The following RASSF1 variants were observed in gnomAD, a reference collection of about 807,000 sequenced individuals.
The protein encoded by RASSF1 is ras association domain-containing protein 1.
Under a neutral mutation model 34.3 loss-of-function variants are expected in RASSF1, and 33 were observed. That is an observed-to-expected ratio of 0.96 (90% CI 0.73 to 1.29). The LOEUF (loss-of-function observed/expected upper bound fraction) is 1.29, where lower values mean the gene tolerates loss of function less well. RASSF1 is among the 50% of genes most tolerant of loss of function. The pLI is 0.00. For missense variants in RASSF1, 445 were observed against 471.8 expected, an observed-to-expected ratio of 0.94 and a Z score of 0.53; for synonymous variants, 191 against 195.0, an observed-to-expected ratio of 0.98 and a Z score of 0.17.
rs1702893423 is a variant in RASSF1 at position 50,330,502 on chromosome 3, C to T, written c.*79G>A. 3.9e-6 allele frequency: 6 copies of T among 1,548,380 alleles called. No homozygotes were observed. The highest frequency in any genetic ancestry group is 5.3e-6 in the Non-Finnish European group (6 of 1,130,714). ...CCTCCATGCACACTCATTCCACAGG[C>T]CCCACTGGCCCTGTCACACTCACAC... On this transcript the variant is annotated 3_prime_UTR_variant, in exon 6 of 6. Coordinates refer to ENST00000359365, the MANE Select transcript of RASSF1 (RefSeq NM_007182.5). This position sits in a 1 kb window ranked among gnomAD's most constrained non-coding sequence, Gnocchi z 4.5.
At chr3:50,334,192 C>T (rs988090200) in intron 2 of RASSF1, among the ~76,000 whole-genome samples, 3 of 152,108 alleles carry the variant, frequency 2.0e-5, no homozygotes, top group Non-Finnish European at 2.9e-5. Context: ...ACCCAGAACC[C>T]GCTGCTATTC....
intron 2 of RASSF1, chr3:50,337,414 G>A: frequency 1.3e-6 from 2 of 1,582,732 alleles, no homozygotes; most frequent in Non-Finnish European, 1.7e-6. Flanking sequence ...GTGTGCGCGT[G>A]CGCCCGGGCC....
intron 2 of RASSF1, chr3:50,337,524 GC>G (rs1423914514): frequency 2.6e-6 from 4 of 1,518,038 alleles, no homozygotes; most frequent in Non-Finnish European, 3.5e-6. Context: ...CGCACGCTTC[GC>G]CCCCAGGAAT....
intron 5 of RASSF1, 113 bp downstream of exon 5, chr3:50,331,220 GA>G (rs2109336016): frequency 8.4e-6 from 7 of 832,770 alleles, no homozygotes; most frequent in Non-Finnish European, 1.3e-5. Context: ...TACACTCCTG[GA>G]ACTGTTTTGC....
chr3:50,338,163 C>CT lies in RASSF1; in HGVS notation c.251-153dup, dbSNP rs972101162. On this transcript the variant is annotated intron_variant, in intron 1 of 5. Transcript: ENST00000359365. The stretch of plus-strand genomic sequence containing the variant: ...GTTACCTCACACTGCTACGCGGACT[C>CT]TAATGTTGGCCACCTGGGCGTCTGG... 4.9e-6 allele frequency: 7 copies of CT among 1,422,090 alleles called. 1 individual carries two copies. The African/African-American group carries it at 1.0e-4, about 21-fold the overall frequency. 88.1% of individuals were successfully genotyped at this position (1,422,090 alleles called of 1,614,324 possible). A position where few individuals can be genotyped will look rare whatever the true frequency, so the allele number is the denominator to read the frequency against.
In RASSF1 at chr3:50,338,027, G is replaced by A. The variant is rs1703227649; in HGVS notation, c.251-16C>T. ...AACTTGCAATCTGCAGAGAGGCCTG[G>A]CGGTGAGGCGGAGGAGCTCCAGGTC... On this transcript the variant is annotated splice_polypyrimidine_tract_variant and intron_variant, in intron 1 of 5. Transcript: ENST00000359365. 6.4e-7 allele frequency: 1 copy of A among 1,566,274 alleles called. No individual in the cohort carries two copies. Among genetic ancestry groups the A allele is most frequent in the Non-Finnish European group, 8.7e-7 (1 of 1,154,574 alleles).
rs1183997335 is a variant in RASSF1, at chr3:50,339,616, G to A, written c.250+940C>T. Among the ~76,000 whole-genome samples, 4 of 152,018 alleles carry A rather than the reference G, an allele frequency of 2.6e-5. No homozygotes were observed. The East Asian group carries it at 7.7e-4, about 29-fold the overall frequency. ...ACTCCTGACCTCAGGTGATCCACCC[G>A]CCTCCGCCTTCCGAAGTGCTGGGAT... On this transcript the variant is annotated intron_variant, in intron 1 of 5. Coordinates refer to ENST00000359365, the MANE Select transcript of RASSF1 (RefSeq NM_007182.5).
chr3:50,337,330 G>C (rs745998050), intron 2 of RASSF1: 1 of 1,611,222 alleles, frequency 6.2e-7, no homozygotes, highest in Non-Finnish European at 8.5e-7. Flanking sequence ...AGCCGTACCC[G>C]CCCGTCCCCC....
At chr3:50,332,707 G>T (rs148153099) in intron 2 of RASSF1, among the ~76,000 whole-genome samples, 1 of 152,116 alleles carries the variant, frequency 6.6e-6, no homozygotes, top group Admixed American at 6.5e-5. Context: ...TGGGAGGATC[G>T]TTTGAGCCCG....
At chr3:50,335,561 T>G (rs949156062) in intron 2 of RASSF1, among the ~76,000 whole-genome samples, 1 of 152,154 alleles carries the variant, frequency 6.6e-6, no homozygotes, top group Admixed American at 6.5e-5. Context: ...TCAAGTGATC[T>G]GCCTGCCTTG....
chr3:50,331,186 C>G (rs1472253482), intron 5 of RASSF1, 148 bp downstream of exon 5: 2 of 619,438 alleles, frequency 3.2e-6, no homozygotes, highest in Non-Finnish European at 5.3e-6. Flanking sequence ...GGTCTGGAAG[C>G]CTTTGCTTTA....
rs190202138 is a variant in RASSF1 at position 50,334,389 on chromosome 3, G to A, written c.358-2235C>T. Among the ~76,000 whole-genome samples, 273 of 152,316 alleles carry A rather than the reference G, an allele frequency of 1.8e-3. 3 individuals carry two copies. The highest frequency in any genetic ancestry group is 2.9e-3 in the Non-Finnish European group (198 of 68,020). The stretch of plus-strand genomic sequence containing the variant: ...CTGGGGACAGTGGGCAACCTTGTCG[G>A]GTTAGTAAAAACAAATGGTGTGGGC... On this transcript the variant is annotated intron_variant, in intron 2 of 5. Coordinates refer to ENST00000359365, the MANE Select transcript of RASSF1 (RefSeq NM_007182.5).
At chr3:50,337,326 A>T (rs1388826515) in intron 2 of RASSF1, 1 of 1,610,702 alleles carries the variant, frequency 6.2e-7, no homozygotes, top group Non-Finnish European at 8.5e-7. Context: ...CCATAGCCGT[A>T]CCCGCCCGTC....
At position 50,330,811 on chromosome 3, in the gene RASSF1, A is replaced by G. The variant is rs1702910905; in HGVS notation, c.877-84T>C. The G allele has an allele frequency of 2.1e-6, 3 of 1,440,060 alleles. No homozygotes were observed. Among genetic ancestry groups the G allele is most frequent in the Non-Finnish European group, 2.9e-6 (3 of 1,051,932 alleles). 89.2% of individuals were successfully genotyped at this position (1,440,060 alleles called of 1,614,324 possible). A position where few individuals can be genotyped will look rare whatever the true frequency, so the allele number is the denominator to read the frequency against. On this transcript the variant is annotated intron_variant, in intron 5 of 5. Transcript: ENST00000359365. The surrounding 1 kb of genome is among the most constrained non-coding windows in gnomAD (Gnocchi z 4.5). ...CCTCCCCAGAGAAGACTAGCACCTC[A>G]TGTTCACACAAGCTAGGACTGGGCT...
rs867844322 is a variant in RASSF1, at chr3:50,337,907, C to T, written c.355G>A (p.Val119Met). The T allele has an allele frequency of 6.2e-7, 1 of 1,603,214 alleles. No individual in the cohort carries two copies. Among genetic ancestry groups the T allele is most frequent in the Middle Eastern group, 1.7e-4 (1 of 6,024 alleles). ...WEPAVERDTN[V>M]DEPVEWETPD... ...TACGCCCTCGGCCCCGCGCTCACCA[C>T]GTTCGTGTCCCGCTCCACCGCGGGT... Residue 119 changes from valine (V) to methionine (M), a missense_variant and splice_region_variant, in exon 2 of 6, where the codon GTG (valine) becomes ATG (methionine). Physicochemically the swap from Val to Met is conservative, Grantham distance 21 (BLOSUM62 1). Transcript: ENST00000359365.
chr3:50,332,176 A>C (rs777093745), intron 2 of RASSF1, 22 bp from the exon 3 acceptor site: 1 of 1,608,338 alleles, frequency 6.2e-7, no homozygotes, highest in Admixed American at 1.7e-5. Flanking sequence ...GCCAGCATGG[A>C]CACAGGGCCC....
At chr3:50,333,599 C>T (rs925377154) in intron 2 of RASSF1, among the ~76,000 whole-genome samples, 10 of 152,056 alleles carry the variant, frequency 6.6e-5, no homozygotes, top group African/African-American at 2.2e-4. Context: ...GCCTCAGACT[C>T]CCGAGTAGCT....
intron 2 of RASSF1, among the ~76,000 whole-genome samples, chr3:50,334,846 G>A (rs1357541747): frequency 6.6e-6 from 1 of 152,172 alleles, no homozygotes; most frequent in Non-Finnish European, 1.5e-5. Context: ...CTGCCTGCTG[G>A]AAGAGGATTT....
chr3:50,339,360 C>CTTTTTTTTTTT lies in RASSF1; in HGVS notation c.250+1185_250+1195dup, dbSNP rs1017192174. Among the ~76,000 whole-genome samples the CTTTTTTTTTTT allele has an allele frequency of 5.7e-5, 6 of 104,454 alleles. 1 individual carries two copies. The highest frequency in any genetic ancestry group is 2.3e-4 in the African/African-American group (5 of 21,888). 68.5% of individuals were successfully genotyped at this position (104,454 alleles called of 152,430 possible). On this transcript the variant is annotated intron_variant, in intron 1 of 5. Transcript: ENST00000359365. Reference sequence around the variant, plus strand: ...AACGCTGCAATGTCCCAGCCTTGTTCTTTTTTTTTTTTTTTTTTTTTTTGA... The same window carrying CTTTTTTTTTTT: ...AACGCTGCAATGTCCCAGCCTTGTTCTTTTTTTTTTTTTTTTTTTTTTTTTTTTTTTTTTGA...
Sources: gnomAD v4.1 joint callset for allele counts (sites outside exome capture counted in the v4.1 genomes callset) on GRCh38, gnomAD v4.1.1 for gene constraint, Gnocchi (gnomAD v3.1) non-coding constraint, MANE v1.5 for transcripts, NCBI Gene and HGNC (gene_info 2026-07-23, HGNC 2026-07-21) for gene names.